Variants in SHB observed in about 807,000 individuals in gnomAD.
SHB encodes the protein SH2 domain-containing adapter protein B.
Under a neutral mutation model 52.3 loss-of-function variants are expected in SHB, and 20 were observed. That is an observed-to-expected ratio of 0.38 (90% CI 0.27 to 0.56). SHB has a LOEUF of 0.56. SHB is among the 20% of genes least tolerant of loss of function. The probability of loss-of-function intolerance (pLI) is 0.71; values close to 1 mark genes in which losing one functional copy is unlikely to be tolerated. For synonymous variants in SHB, 397 were observed against 316.5 expected (o/e 1.25, Z -2.70); for missense variants, 825 against 723.3 (o/e 1.14, Z -1.61).
intron 1 of SHB, among the ~76,000 whole-genome samples, chr9:38,053,888 G>A (rs775316335): frequency 6.6e-6 from 1 of 152,170 alleles, no homozygotes; most frequent in Non-Finnish European, 1.5e-5. Context: ...ACGACCCAAT[G>A]TACTTCCCCA....
At chr9:38,015,665 G>A (rs937165756) in intron 2 of SHB, among the ~76,000 whole-genome samples, 1 of 152,188 alleles carries the variant, frequency 6.6e-6, no homozygotes. Context: ...TCTAAGTAAA[G>A]TTTTATGTCT....
intron 2 of SHB, among the ~76,000 whole-genome samples, chr9:37,984,897 A>G (rs971145053): frequency 6.6e-6 from 1 of 152,180 alleles, no homozygotes; most frequent in Non-Finnish European, 1.5e-5. Flanking sequence ...GGCATGGAAG[A>G]GCAGGGCTGC....
chr9:37,922,431 T>C (rs1832194034), intron 5 of SHB, among the ~76,000 whole-genome samples: 1 of 152,212 alleles, frequency 6.6e-6, no homozygotes, highest in Non-Finnish European at 1.5e-5. Flanking sequence ...CACAATGTCC[T>C]CTGTACCTTG....
intron 2 of SHB, among the ~76,000 whole-genome samples, chr9:37,980,416 C>T (rs758944999): frequency 5.9e-5 from 9 of 152,368 alleles, no homozygotes; most frequent in Non-Finnish European, 8.8e-5. Flanking sequence ...CAAGTTTGAT[C>T]ATAAGATTCC....
intron 2 of SHB, among the ~76,000 whole-genome samples, chr9:38,009,809 G>A (rs1443031100): frequency 1.3e-5 from 2 of 152,216 alleles, no homozygotes; most frequent in African/African-American, 2.4e-5. Flanking sequence ...GTCAAAGCAG[G>A]GGGGCTCTGT....
intron 3 of SHB, among the ~76,000 whole-genome samples, chr9:37,970,451 G>A (rs188755495): frequency 2.7e-4 from 41 of 152,086 alleles, no homozygotes; most frequent in Admixed American, 2.5e-3. Context: ...GAAGGAAGGC[G>A]CTGACTTCCA....
intron 5 of SHB, among the ~76,000 whole-genome samples, chr9:37,943,891 A>G (rs1355276762): frequency 6.6e-6 from 1 of 152,236 alleles, no homozygotes; most frequent in African/African-American, 2.4e-5. Context: ...TCGCAGGCCA[A>G]AGTGCCTGAA....
Position 38,068,673 on chromosome 9 carries a change from C to G in SHB, c.-28G>C. On this transcript the variant is annotated 5_prime_UTR_variant, in exon 1 of 6. Coordinates refer to ENST00000377707, the MANE Select transcript of SHB (RefSeq NM_003028.3). ...CGAGAGGCCGCCTAGGGCCGCGGCG[C>G]GGGAGCCCGGTCCGCCGCCGCGGCC... The G allele has an allele frequency of 7.8e-7, 1 of 1,289,772 alleles. No individual in the cohort carries two copies. The highest frequency in any genetic ancestry group is 9.8e-7 in the Non-Finnish European group (1 of 1,024,180). 79.9% of individuals were successfully genotyped at this position (1,289,772 alleles called of 1,614,324 possible).
At chr9:37,972,629 A>T (rs1245582049) in intron 3 of SHB, among the ~76,000 whole-genome samples, 1 of 152,218 alleles carries the variant, frequency 6.6e-6, no homozygotes, top group African/African-American at 2.4e-5. Flanking sequence ...GCTGTGTACC[A>T]GGGAGGGCTT....
chr9:38,051,272 T>C (rs1464905179), intron 1 of SHB, among the ~76,000 whole-genome samples: 1 of 151,782 alleles, frequency 6.6e-6, no homozygotes, highest in African/African-American at 2.4e-5. Flanking sequence ...AAACCCTGTC[T>C]CTACTAAAAA....
At chr9:37,998,245 G>A (rs566847675) in intron 2 of SHB, among the ~76,000 whole-genome samples, 2 of 141,024 alleles carry the variant, frequency 1.4e-5, no homozygotes, top group Admixed American at 7.2e-5. Flanking sequence ...CTAGGGCCAG[G>A]GCCCCAACAC....
intron 2 of SHB, among the ~76,000 whole-genome samples, chr9:38,011,046 C>T (rs540732386): frequency 1.3e-5 from 2 of 152,352 alleles, no homozygotes; most frequent in South Asian, 2.1e-4. Flanking sequence ...CATGACACCA[C>T]GGCTCTCAGT....
chr9:37,991,639 C>T (rs1820883320), intron 2 of SHB, among the ~76,000 whole-genome samples: 2 of 152,202 alleles, frequency 1.3e-5, no homozygotes, highest in African/African-American at 2.4e-5. Flanking sequence ...AACACAGCTA[C>T]AAGGACAGGC....
intron 1 of SHB, among the ~76,000 whole-genome samples, chr9:38,045,425 A>C (rs1163225623): frequency 1.3e-5 from 2 of 149,346 alleles, no homozygotes; most frequent in African/African-American, 2.5e-5. Flanking sequence ...ACATGGTGAG[A>C]CCCCCCCCAC....
chr9:38,041,108 G>T (rs1033452809), intron 1 of SHB, among the ~76,000 whole-genome samples: 3 of 152,124 alleles, frequency 2.0e-5, no homozygotes, highest in African/African-American at 7.2e-5. Flanking sequence ...TTCTGGGCAG[G>T]GATGGAGGGT....
intron 3 of SHB, among the ~76,000 whole-genome samples, chr9:37,967,834 T>C (rs1334238050): frequency 6.6e-6 from 1 of 152,182 alleles, no homozygotes; most frequent in Non-Finnish European, 1.5e-5. Context: ...TCCACAGACA[T>C]GTCAGACCTA....
At chr9:38,053,318 A>C (rs188300807) in intron 1 of SHB, among the ~76,000 whole-genome samples, 3 of 151,638 alleles carry the variant, frequency 2.0e-5, no homozygotes, top group Admixed American at 2.0e-4. Flanking sequence ...GCTCACTGCA[A>C]CCTCCACCTC....
intron 1 of SHB, among the ~76,000 whole-genome samples, chr9:38,016,505 T>G (rs560025696): frequency 1.3e-5 from 2 of 152,242 alleles, no homozygotes; most frequent in East Asian, 3.9e-4. Flanking sequence ...GGAGGAAAAG[T>G]TGGAAACGAG....
rs116426474 is a variant in SHB at position 37,994,479 on chromosome 9, C to T, written c.839-19642G>A. On this transcript the variant is annotated intron_variant, in intron 2 of 5. Coordinates refer to ENST00000377707, the MANE Select transcript of SHB (RefSeq NM_003028.3). ...AAATACCAGTAAGTTCATTTTGGAA[C>T]TGGACTCGGGAGACTTAGGTTCAAA... Among the ~76,000 whole-genome samples the T allele has an allele frequency of 3.6e-3, 543 of 152,356 alleles. 6 individuals carry two copies. The highest frequency in any genetic ancestry group is 0.012 in the African/African-American group (518 of 41,590).
Sources: allele counts gnomAD v4.1 joint callset (sites outside exome capture counted in the v4.1 genomes callset), GRCh38; gene constraint gnomAD v4.1.1; transcripts MANE v1.5; gene names NCBI Gene and HGNC (gene_info 2026-07-23, HGNC 2026-07-21).